C6orf132: variants seen among roughly 807,000 people sequenced by gnomAD.
C6orf132 encodes uncharacterized protein C6orf132.
In C6orf132, 43 loss-of-function variants were observed where a neutral mutation model predicts 65.3. That is an observed-to-expected ratio of 0.66 (90% CI 0.52 to 0.85). The LOEUF is 0.85. Among genes scored for constraint, C6orf132 ranks in the 40% least tolerant of loss-of-function variants. The probability of loss-of-function intolerance (pLI) is 0.00; values close to 1 mark genes in which losing one functional copy is unlikely to be tolerated. For missense variants in C6orf132, 1,488 were observed against 1,548.8 expected, an observed-to-expected ratio of 0.96 and a Z score of 0.66; for synonymous variants, 631 against 654.1, an observed-to-expected ratio of 0.96 and a Z score of 0.54.
chr6:42,102,963 G>A lies in C6orf132; in HGVS notation c.*798C>T, dbSNP rs960945817. On this transcript the variant is annotated 3_prime_UTR_variant, in exon 5 of 5. Transcript: ENST00000341865. The stretch of plus-strand genomic sequence containing the variant: ...TCCTTGGGCCCAGTCCCCAAAATCA[G>A]GGCTGCACAGGTCTGAATAGCAAAG... The A allele has an allele frequency of 5.0e-6, 2 of 397,694 alleles. No individual in the cohort carries two copies. The highest frequency in any genetic ancestry group is 4.1e-5 in the African/African-American group (2 of 48,616). 24.6% of individuals were successfully genotyped at this position (397,694 alleles called of 1,614,324 possible).
chr6:42,126,899 C>A, intron 2 of C6orf132: 2 of 400,098 alleles, frequency 5.0e-6, no homozygotes, highest in South Asian at 5.1e-5. Flanking sequence ...TTTATGGGTG[C>A]AATCACTTCT....
In C6orf132 at chr6:42,101,592, A is replaced by T. The variant is rs1766282836; in HGVS notation, c.*2169T>A. ...TTATCTTCCAAGTCAAGTGAGACTC[A>T]GCCTTCCCTGCCCACCCCAGAGCAA... On this transcript the variant is annotated 3_prime_UTR_variant, in exon 5 of 5. Coordinates refer to ENST00000341865, the MANE Select transcript of C6orf132 (RefSeq NM_001164446.3). The T allele has an allele frequency of 6.6e-6, 1 of 152,250 alleles. No homozygotes were observed. The highest frequency in any genetic ancestry group is 1.5e-5 in the Non-Finnish European group (1 of 68,050). The allele number at this position is 152,250 out of a possible 1,614,324, so 9.4% of individuals were successfully genotyped here.
At chr6:42,115,462 C>T (rs1017002699) in intron 2 of C6orf132, among the ~76,000 whole-genome samples, 1 of 150,684 alleles carries the variant, frequency 6.6e-6, no homozygotes, top group Non-Finnish European at 1.5e-5. Flanking sequence ...CTGGCTAACA[C>T]GGCGAAACCC....
At position 42,104,007 on chromosome 6, in the gene C6orf132, CT is replaced by C; in HGVS notation, c.3450-130del. ...TGTATTTGCCCCGACAAGCCCTGGG[CT>C]TATCGACCCCAGGGAGGGACCGCAG... On this transcript the variant is annotated intron_variant, in intron 4 of 4. Coordinates refer to ENST00000341865, the MANE Select transcript of C6orf132 (RefSeq NM_001164446.3). The surrounding 1 kb of genome is among the most constrained non-coding windows in gnomAD (Gnocchi z 4.1). The C allele has an allele frequency of 1.6e-6, 1 of 608,488 alleles. No homozygotes were observed. The highest frequency in any genetic ancestry group is 2.5e-6 in the Non-Finnish European group (1 of 401,380). 37.7% of individuals were successfully genotyped at this position (608,488 alleles called of 1,614,324 possible).
Position 42,104,325 on chromosome 6 carries a change from C to T in C6orf132, c.3449+138G>A, listed in dbSNP as rs1054927256. 1 of 1,186,888 alleles carries T rather than the reference C, an allele frequency of 8.4e-7. No individual in the cohort carries two copies. The highest frequency in any genetic ancestry group is 1.1e-6 in the Non-Finnish European group (1 of 949,582). 73.5% of individuals were successfully genotyped at this position (1,186,888 alleles called of 1,614,324 possible). ...ACAGCGCCCTCTCCCGGTAAGTGGG[C>T]CTCCCTCCCGCGTTCTACCTGCAAG... On this transcript the variant is annotated intron_variant, in intron 4 of 4. Coordinates refer to ENST00000341865, the MANE Select transcript of C6orf132 (RefSeq NM_001164446.3). The surrounding 1 kb of genome is among the most constrained non-coding windows in gnomAD (Gnocchi z 4.1).
chr6:42,115,934 C>CTTTT (rs67542628), intron 2 of C6orf132, among the ~76,000 whole-genome samples: 5 of 106,390 alleles, frequency 4.7e-5, no homozygotes, highest in South Asian at 3.3e-4. Context: ...TTTTCTTTTT[C>CTTTT]TTTTTTTTTT....
At position 42,126,778 on chromosome 6, in the gene C6orf132, G is replaced by A. The variant is rs147309759; in HGVS notation, c.252+1894C>T. 4.1e-3 allele frequency: 1,657 copies of A among 401,490 alleles called. 22 individuals are homozygous for A. The highest frequency in any genetic ancestry group is 0.031 in the African/African-American group (1,468 of 47,576). The allele number at this position is 401,490 out of a possible 1,614,324, so 24.9% of individuals were successfully genotyped here. ...GAATCGCTTGAACCCAGGAGGTGGA[G>A]GTTGCAGGGAGCCGAGATCACGCCA... is the stretch of plus-strand genomic sequence containing the variant. On this transcript the variant is annotated intron_variant, in intron 2 of 4. Transcript: ENST00000341865.
chr6:42,133,588 C>A (rs1766890051), intron 1 of C6orf132, among the ~76,000 whole-genome samples: 1 of 152,092 alleles, frequency 6.6e-6, no homozygotes, highest in Non-Finnish European at 1.5e-5. Context: ...CTGAGCAAGG[C>A]CTGAGCCCCA....
intron 2 of C6orf132, among the ~76,000 whole-genome samples, chr6:42,123,478 GAGAAGA>G (rs752596820): frequency 3.1e-5 from 3 of 95,632 alleles, no homozygotes; most frequent in South Asian, 3.5e-4. Context: ...GAAGGAGAAG[GAGAAGA>G]AGAAGAAGAA....
intron 1 of C6orf132, among the ~76,000 whole-genome samples, 172 bp downstream of exon 1, chr6:42,142,128 C>T (rs1011064465): frequency 3.9e-5 from 6 of 152,080 alleles, no homozygotes; most frequent in Admixed American, 3.9e-4. Context: ...ACCGCACAGC[C>T]CTTCCCAGAC....
intron 1 of C6orf132, among the ~76,000 whole-genome samples, chr6:42,140,927 C>T (rs2127481119): frequency 6.6e-6 from 1 of 152,354 alleles, no homozygotes; most frequent in Non-Finnish European, 1.5e-5. Context: ...CTGGGAGTGC[C>T]TACACCATGC....
At chr6:42,139,961 A>T (rs988638571) in intron 1 of C6orf132, among the ~76,000 whole-genome samples, 2 of 152,236 alleles carry the variant, frequency 1.3e-5, no homozygotes, top group Non-Finnish European at 2.9e-5. Context: ...CAGAGACAGG[A>T]TGCCAAGGCA....
At position 42,124,060 on chromosome 6, in the gene C6orf132, G is replaced by A. The variant is rs1237976646; in HGVS notation, c.252+4612C>T. Among the ~76,000 whole-genome samples the A allele has an allele frequency of 2.6e-5, 4 of 152,160 alleles. No homozygotes were observed. Among genetic ancestry groups the A allele is most frequent in the Admixed American group, 6.5e-5 (1 of 15,280 alleles). ...GGAAGTCATTTTAACACAGAAAGTC[G>A]TGGCTGGGGAGACCCTTGAGGACTA... On this transcript the variant is annotated intron_variant, in intron 2 of 4. Coordinates refer to ENST00000341865, the MANE Select transcript of C6orf132 (RefSeq NM_001164446.3). The surrounding 1 kb of genome is among the most constrained non-coding windows in gnomAD (Gnocchi z 4.0).
At chr6:42,137,626 A>T (rs1051246599) in intron 1 of C6orf132, among the ~76,000 whole-genome samples, 1 of 152,092 alleles carries the variant, frequency 6.6e-6, no homozygotes, top group African/African-American at 2.4e-5. Flanking sequence ...AGAACCTACC[A>T]TGTGCCCTGC....
chr6:42,117,078 C>T (rs1009811717), intron 2 of C6orf132, among the ~76,000 whole-genome samples: 1 of 152,158 alleles, frequency 6.6e-6, no homozygotes, highest in East Asian at 1.9e-4. Context: ...TCCTAGGTAT[C>T]CTTTAAGCCC....
At chr6:42,116,485 TC>T (rs1327805494) in intron 2 of C6orf132, among the ~76,000 whole-genome samples, 1 of 152,006 alleles carries the variant, frequency 6.6e-6, no homozygotes, top group Non-Finnish European at 1.5e-5. Flanking sequence ...CCTTCCTCAG[TC>T]CTCACCATCC....
At chr6:42,121,514 T>C (rs1387579432) in intron 2 of C6orf132, among the ~76,000 whole-genome samples, 1 of 152,220 alleles carries the variant, frequency 6.6e-6, no homozygotes, top group Non-Finnish European at 1.5e-5. Flanking sequence ...TACCCACTGA[T>C]GGCCCCAGTC....
At chr6:42,140,890 C>T (rs1318691583) in intron 1 of C6orf132, among the ~76,000 whole-genome samples, 4 of 152,104 alleles carry the variant, frequency 2.6e-5, no homozygotes, top group Non-Finnish European at 5.9e-5. Flanking sequence ...TGTCCTGGCT[C>T]ACAGGCACTT....
At chr6:42,114,745 T>A (rs1249863994) in intron 2 of C6orf132, among the ~76,000 whole-genome samples, 3 of 152,050 alleles carry the variant, frequency 2.0e-5, no homozygotes, top group African/African-American at 7.2e-5. Context: ...TGGCTCACGC[T>A]TGTAATCCCA....
Sources: allele counts gnomAD v4.1 joint callset (sites outside exome capture counted in the v4.1 genomes callset), GRCh38; gene constraint gnomAD v4.1.1; non-coding constraint Gnocchi (gnomAD v3.1); transcripts MANE v1.5; gene names NCBI Gene and HGNC (gene_info 2026-07-23, HGNC 2026-07-21).